IMMP2L: variants seen among roughly 807,000 people sequenced by gnomAD.
The protein encoded by IMMP2L is mitochondrial inner membrane protease subunit 2.
In IMMP2L, 18 loss-of-function variants were observed where a neutral mutation model predicts 19.3. That is an observed-to-expected ratio of 0.93 (90% CI 0.64 to 1.38). IMMP2L has a LOEUF of 1.38. IMMP2L is among the 40% of genes most tolerant of loss of function. The pLI is 0.00. For missense variants in IMMP2L, 233 were observed against 218.2 expected, an observed-to-expected ratio of 1.07 and a Z score of -0.43; for synonymous variants, 76 against 73.0, an observed-to-expected ratio of 1.04 and a Z score of -0.21.
At chr7:110,839,003 G>A (rs545960463) in intron 5 of IMMP2L, among the ~76,000 whole-genome samples, 1 of 151,960 alleles carries the variant, frequency 6.6e-6, no homozygotes, top group Admixed American at 6.6e-5. Context: ...GATAATAACA[G>A]CATACTTAAT....
At position 111,030,908 on chromosome 7, in the gene IMMP2L, A is replaced by G. The variant is rs1462326369; in HGVS notation, c.240-67343T>C. ...TGTATATATATATATATATATATAT[A>G]TATATATATATATATATAAAATATA... is the stretch of plus-strand genomic sequence containing the variant. On this transcript the variant is annotated intron_variant, in intron 3 of 5. Transcript: ENST00000405709. 9.3e-3 allele frequency among the ~76,000 whole-genome samples: 1,033 copies of G among 110,536 alleles called. 9 individuals carry two copies. Among genetic ancestry groups the G allele is most frequent in the Non-Finnish European group, 0.014 (683 of 49,620 alleles). 72.5% of individuals were successfully genotyped at this position (110,536 alleles called of 152,430 possible). A position where few individuals can be genotyped will look rare whatever the true frequency, so the allele number is the denominator to read the frequency against.
chr7:110,692,328 G>A (rs1793568397), intron 5 of IMMP2L, among the ~76,000 whole-genome samples: 1 of 152,100 alleles, frequency 6.6e-6, no homozygotes, highest in Non-Finnish European at 1.5e-5. Flanking sequence ...TATAATGGAT[G>A]CTGGAGACTC....
chr7:111,505,445 A>G (rs913190226), intron 2 of IMMP2L, among the ~76,000 whole-genome samples: 2 of 151,988 alleles, frequency 1.3e-5, no homozygotes, highest in Admixed American at 6.6e-5. Flanking sequence ...AACTAGAAAT[A>G]CCATTTGACC....
At chr7:111,450,918 T>C (rs1839086309) in intron 3 of IMMP2L, among the ~76,000 whole-genome samples, 1 of 151,730 alleles carries the variant, frequency 6.6e-6, no homozygotes, top group Admixed American at 6.6e-5. Context: ...CAGGCACTTC[T>C]CAAAAGAAGA....
chr7:111,141,471 C>T (rs1020694725), intron 3 of IMMP2L, among the ~76,000 whole-genome samples: 38 of 151,052 alleles, frequency 2.5e-4, no homozygotes, highest in African/African-American at 9.3e-4. Context: ...GTATTCCCTA[C>T]AGATAATCAC....
rs572162135 is a variant in IMMP2L at position 110,890,614 on chromosome 7, G to T, written c.306-3919C>A. On this transcript the variant is annotated intron_variant, in intron 4 of 5. Coordinates refer to ENST00000405709, the MANE Select transcript of IMMP2L (RefSeq NM_032549.4). ...TGCTCCTGAATTCACATAAAAGAAA[G>T]ACAAGATAATCTTTTAGGTGATTTA... Among the ~76,000 whole-genome samples the T allele has an allele frequency of 2.0e-5, 3 of 152,270 alleles. No individual in the cohort carries two copies. The East Asian group carries it at 5.8e-4, about 29-fold the overall frequency.
chr7:111,375,040 T>C (rs1408258956), intron 3 of IMMP2L, among the ~76,000 whole-genome samples: 1 of 152,108 alleles, frequency 6.6e-6, no homozygotes, highest in Non-Finnish European at 1.5e-5. Context: ...CGGGGGGTCT[T>C]ATACTTTAGT....
At chr7:111,282,821 T>G (rs1199340593) in intron 3 of IMMP2L, among the ~76,000 whole-genome samples, 1 of 152,112 alleles carries the variant, frequency 6.6e-6, no homozygotes, top group Non-Finnish European at 1.5e-5. Context: ...TGGGCTAATA[T>G]GATTCACCCC....
chr7:111,510,581 A>C (rs1305862146), intron 2 of IMMP2L, among the ~76,000 whole-genome samples: 1 of 152,026 alleles, frequency 6.6e-6, no homozygotes, highest in Non-Finnish European at 1.5e-5. Context: ...CCAATCCAGA[A>C]CCATACCTCC....
chr7:110,937,402 G>A (rs1816241714), intron 4 of IMMP2L, among the ~76,000 whole-genome samples: 1 of 152,114 alleles, frequency 6.6e-6, no homozygotes, highest in Non-Finnish European at 1.5e-5. Flanking sequence ...CACAGTTTGG[G>A]GGTGAAGAGG....
intron 3 of IMMP2L, among the ~76,000 whole-genome samples, chr7:111,138,614 T>C (rs940461765): frequency 1.3e-5 from 2 of 152,104 alleles, no homozygotes; most frequent in Non-Finnish European, 2.9e-5. Context: ...AACTTGTAAA[T>C]AAAACCCTGC....
At position 110,894,131 on chromosome 7, in the gene IMMP2L, C is replaced by T. The variant is rs577464066; in HGVS notation, c.306-7436G>A. 5.3e-5 allele frequency among the ~76,000 whole-genome samples: 8 copies of T among 152,258 alleles called. No homozygotes were observed. In the East Asian group the frequency reaches 1.5e-3, roughly 29 times the overall value. On this transcript the variant is annotated intron_variant, in intron 4 of 5. Transcript: ENST00000405709. ...AGACCCCGTACCTCCTCACCCCCTC[C>T]CCTACATGTCATTCATGCCAAACCC...
chr7:110,798,131 TTTC>T (rs1800988404), intron 5 of IMMP2L, among the ~76,000 whole-genome samples: 1 of 151,926 alleles, frequency 6.6e-6, no homozygotes, highest in Non-Finnish European at 1.5e-5. Flanking sequence ...TATAAAATAT[TTTC>T]TTCTTTGTGA....
intron 3 of IMMP2L, among the ~76,000 whole-genome samples, chr7:111,168,705 T>A (rs781281898): frequency 2.6e-5 from 4 of 151,942 alleles, no homozygotes; most frequent in African/African-American, 7.2e-5. Flanking sequence ...CAAAGCTGTA[T>A]AATATACTCT....
chr7:110,838,614 A>C (rs931677516), intron 5 of IMMP2L, among the ~76,000 whole-genome samples: 2 of 151,758 alleles, frequency 1.3e-5, no homozygotes, highest in African/African-American at 4.9e-5. Context: ...GAGCATGCTC[A>C]GCCCCCAAGC....
intron 4 of IMMP2L, among the ~76,000 whole-genome samples, chr7:110,957,358 CAAAT>C (rs137893294): frequency 0.016 from 2,435 of 152,002 alleles, 62 homozygotes; most frequent in African/African-American, 0.055. Flanking sequence ...TTTAAAATAA[CAAAT>C]AAAACTATCA....
chr7:110,919,103 A>G (rs761841797), intron 4 of IMMP2L, among the ~76,000 whole-genome samples: 23 of 152,198 alleles, frequency 1.5e-4, no homozygotes, highest in South Asian at 4.1e-4. Context: ...ATTTTGATGA[A>G]GTCAAAACCA....
intron 3 of IMMP2L, among the ~76,000 whole-genome samples, chr7:111,130,463 T>C (rs934278756): frequency 1.3e-5 from 2 of 152,118 alleles, no homozygotes; most frequent in Admixed American, 6.5e-5. Context: ...TAGTATGATG[T>C]GACCATTGTA....
intron 5 of IMMP2L, among the ~76,000 whole-genome samples, chr7:110,679,905 A>G (rs1460956516): frequency 6.6e-6 from 1 of 152,236 alleles, no homozygotes; most frequent in Non-Finnish European, 1.5e-5. Context: ...GCTGACTTAC[A>G]CAGCTCTCAT....
Sources: gnomAD v4.1 joint callset for allele counts (sites outside exome capture counted in the v4.1 genomes callset) on GRCh38, gnomAD v4.1.1 for gene constraint, MANE v1.5 for transcripts, NCBI Gene and HGNC (gene_info 2026-07-23, HGNC 2026-07-21) for gene names.